The following NPY1R variants were observed in gnomAD, a reference collection of about 807,000 sequenced individuals.
NPY1R encodes the protein neuropeptide Y receptor Y1, also known as neuropeptide Y receptor type 1.
Under a neutral mutation model 24.1 loss-of-function variants are expected in NPY1R, and 10 were observed. That is an observed-to-expected ratio of 0.42 (90% CI 0.26 to 0.71). The LOEUF is 0.71. Ranked by LOEUF, NPY1R falls within the 30% of genes least tolerant of loss-of-function variation. The pLI is 0.28. For synonymous variants in NPY1R, 168 were observed against 165.9 expected, an observed-to-expected ratio of 1.01 and a Z score of -0.10; for missense variants, 350 against 458.0, an observed-to-expected ratio of 0.76 and a Z score of 2.15.
chr4:163,343,624 A>C (rs4314240), intron 1 of NPY1R, among the ~76,000 whole-genome samples: 28 of 152,076 alleles, frequency 1.8e-4, no homozygotes, highest in African/African-American at 6.8e-4. Context: ...CACAGGGTTG[A>C]GGGCTGGACC....
At chr4:163,327,695 A>G (rs1299423644) in intron 1 of NPY1R, among the ~76,000 whole-genome samples, 1 of 152,170 alleles carries the variant, frequency 6.6e-6, no homozygotes, top group African/African-American at 2.4e-5. Flanking sequence ...TGCCCAATGC[A>G]AGGATCTAGA....
At chr4:163,333,691 T>C (rs1032552806), upstream of NPY1R, among the ~76,000 whole-genome samples, 1 of 152,234 alleles carries the variant, frequency 6.6e-6, no homozygotes, top group Non-Finnish European at 1.5e-5. Flanking sequence ...CTGAACTTTA[T>C]ACTGTTAAAA....
intron 1 of NPY1R, chr4:163,330,679 G>A (rs1430922311): frequency 1.3e-5 from 2 of 152,220 alleles, no homozygotes; most frequent in Non-Finnish European, 2.9e-5. Context: ...TGCATATAGA[G>A]ACAAAACAGA....
intron 1 of NPY1R, among the ~76,000 whole-genome samples, chr4:163,329,044 T>C (rs1403566948): frequency 9.2e-5 from 14 of 152,210 alleles, no homozygotes; most frequent in Admixed American, 9.2e-4. Context: ...GCAAAATGTA[T>C]GCTAATCACA....
At chr4:163,329,132 T>C (rs1253070401) in intron 1 of NPY1R, among the ~76,000 whole-genome samples, 1 of 152,230 alleles carries the variant, frequency 6.6e-6, no homozygotes, top group East Asian at 1.9e-4. Context: ...AAAGAAAATT[T>C]ATTCATTCAA....
At chr4:163,331,526 T>C (rs1430451974) in intron 1 of NPY1R, among the ~76,000 whole-genome samples, 3 of 151,214 alleles carry the variant, frequency 2.0e-5, no homozygotes, top group Non-Finnish European at 3.0e-5. Flanking sequence ...TCTCTCTCTC[T>C]CTCATCAAAA....
intron 1 of NPY1R, among the ~76,000 whole-genome samples, chr4:163,343,277 C>T (rs543316398): frequency 6.6e-6 from 1 of 151,510 alleles, no homozygotes; most frequent in South Asian, 2.1e-4. Flanking sequence ...CAGCTTCACT[C>T]CCCTGCTCCT....
At position 163,326,053 on chromosome 4, in the gene NPY1R, CCACAGCAAGGACCCAAAT is replaced by C; in HGVS notation, c.484_501del (p.Ile162_Val167del). 1 of 1,614,056 alleles carries C rather than the reference CCACAGCAAGGACCCAAAT, an allele frequency of 6.2e-7. No homozygotes were observed. Among genetic ancestry groups the C allele is most frequent in the Non-Finnish European group, 8.5e-7 (1 of 1,179,966 alleles). On this transcript the variant is annotated inframe_deletion, in exon 2 of 3. Transcript: ENST00000296533. ...TAGATCAGGAAAGGCAAAGAAGAAGCCACAGCAAGGACCCAAATCACAGCAATACCTACATAAGCATGT... is the reference window on the plus strand; with the variant it reads ...TAGATCAGGAAAGGCAAAGAAGAAGCCACAGCAATACCTACATAAGCATGT...
intron 1 of NPY1R, chr4:163,344,070 G>A (rs1735098293): frequency 6.6e-6 from 1 of 152,216 alleles, no homozygotes; most frequent in Non-Finnish European, 1.5e-5. Context: ...GGCCGTGGCG[G>A]GTCCCCGCGC....
At chr4:163,329,845 G>A (rs187494091) in intron 1 of NPY1R, among the ~76,000 whole-genome samples, 57 of 151,818 alleles carry the variant, frequency 3.8e-4, no homozygotes, top group African/African-American at 1.3e-3. Context: ...ATAAGGGAGG[G>A]ACTCTTAGGA....
chr4:163,332,394 C>T (rs151099707), intron 1 of NPY1R, 88 bp downstream of exon 1: 3 of 152,392 alleles, frequency 2.0e-5, no homozygotes, highest in East Asian at 1.9e-4. Flanking sequence ...TTCGGACACT[C>T]GCATCGTTTT....
At chr4:163,337,231 C>T (rs755693665), upstream of NPY1R, among the ~76,000 whole-genome samples, 6 of 152,128 alleles carry the variant, frequency 3.9e-5, no homozygotes, top group Admixed American at 6.5e-5. Context: ...TGCCACTCTC[C>T]GCTAGCATAG....
chr4:163,335,675 C>T (rs1372271606), upstream of NPY1R, among the ~76,000 whole-genome samples: 6 of 151,960 alleles, frequency 3.9e-5, no homozygotes, highest in African/African-American at 9.7e-5. Context: ...TGATGAAGCA[C>T]GTCAGTGAAT....
At position 163,325,997 on chromosome 4, in the gene NPY1R, A is replaced by G. The variant is rs150935202; in HGVS notation, c.558T>C (p.Asn186=). Residue 186 remains asparagine (N), a synonymous_variant, in exon 2 of 3, where the codon AAT becomes AAC. Coordinates refer to ENST00000296533, the MANE Select transcript of NPY1R (RefSeq NM_000909.6). ...YQVMTDEPFQ[N]VTLDAYKDKY... ...TGTCTTTGTACGCATCAAGTGTTAC[A>G]TTTTGGAACGGCTCATCAGTCATTA... The G allele has an allele frequency of 1.1e-4, 171 of 1,614,130 alleles. No individual in the cohort carries two copies. The African/African-American group carries it at 2.1e-3, about 20-fold the overall frequency.
At chr4:163,330,040 G>A (rs1276067162) in intron 1 of NPY1R, among the ~76,000 whole-genome samples, 1 of 152,140 alleles carries the variant, frequency 6.6e-6, no homozygotes, top group African/African-American at 2.4e-5. Flanking sequence ...CAAGGAAAGA[G>A]AAGAAATGGG....
At position 163,325,209 on chromosome 4, in the gene NPY1R, C is replaced by A. The variant is rs922176950; in HGVS notation, c.*94G>T. On this transcript the variant is annotated 3_prime_UTR_variant, in exon 3 of 3. Transcript: ENST00000296533. ...CTTAGTCATTTTCAAATGATTTCAA[C>A]CCCATTCCTTGGGAGAACAGGTAAT... The A allele has an allele frequency of 1.1e-5, 10 of 871,176 alleles. No homozygotes were observed. The highest frequency in any genetic ancestry group is 1.7e-5 in the South Asian group (1 of 59,206). 54.0% of individuals were successfully genotyped at this position (871,176 alleles called of 1,614,324 possible).
At chr4:163,326,897 A>G (rs1337476094) in intron 1 of NPY1R, among the ~76,000 whole-genome samples, 192 bp from the exon 2 acceptor site, 3 of 152,200 alleles carry the variant, frequency 2.0e-5, no homozygotes, top group African/African-American at 7.2e-5. Flanking sequence ...TTTTAATTGG[A>G]CTTGCTTACA....
intron 1 of NPY1R, among the ~76,000 whole-genome samples, chr4:163,341,735 G>A (rs889609898): frequency 1.3e-5 from 2 of 152,152 alleles, no homozygotes; most frequent in Non-Finnish European, 2.9e-5. Flanking sequence ...TAAATAGTGA[G>A]TAGGAAAAAT....
rs117566141 is a variant in NPY1R, at chr4:163,329,697, G to C, written c.-152+2785C>G. Among the ~76,000 whole-genome samples the C allele has an allele frequency of 6.6e-5, 10 of 152,260 alleles. No individual in the cohort carries two copies. In the East Asian group the frequency reaches 1.9e-3, roughly 29 times the overall value. ...CTCTGACTGTCTGAGAAGAAGGCATGTAAGTTAAGACCTGAGAGGAGTGGT... is the reference window on the plus strand; with the variant it reads ...CTCTGACTGTCTGAGAAGAAGGCATCTAAGTTAAGACCTGAGAGGAGTGGT... On this transcript the variant is annotated intron_variant, in intron 1 of 2. Coordinates refer to ENST00000296533, the MANE Select transcript of NPY1R (RefSeq NM_000909.6).
Sources: gnomAD v4.1 joint callset for allele counts (sites outside exome capture counted in the v4.1 genomes callset) on GRCh38, gnomAD v4.1.1 for gene constraint, MANE v1.5 for transcripts, NCBI Gene and HGNC (gene_info 2026-07-23, HGNC 2026-07-21) for gene names.